The following GRID2 variants were observed in gnomAD, a reference collection of about 807,000 sequenced individuals.
GRID2 encodes the protein glutamate ionotropic receptor delta type subunit 2.
Under a neutral mutation model 114.8 loss-of-function variants are expected in GRID2, and 33 were observed. That is an observed-to-expected ratio of 0.29 (90% CI 0.22 to 0.38). The LOEUF (loss-of-function observed/expected upper bound fraction) is 0.38. Ranked by LOEUF, GRID2 falls within the 10% of genes least tolerant of loss-of-function variation. The pLI, the probability that GRID2 is intolerant of heterozygous loss-of-function variation, is 1.00. For synonymous variants in GRID2, 505 were observed against 449.9 expected, an observed-to-expected ratio of 1.12 and a Z score of -1.55; for missense variants, 1,184 against 1,257.7, an observed-to-expected ratio of 0.94 and a Z score of 0.89.
rs1734231112 is a variant in GRID2 at position 93,773,150 on chromosome 4, A to G, written c.*652A>G. ...CTTTATGTGATTGTACAGTATTAAA[A>G]GTTTTTTCTTATGTACAGTAAACTT... On this transcript the variant is annotated 3_prime_UTR_variant, in exon 16 of 16. Coordinates refer to ENST00000282020, the MANE Select transcript of GRID2 (RefSeq NM_001510.4). 6.6e-6 allele frequency: 1 copy of G among 152,188 alleles called. No homozygotes were observed. The highest frequency in any genetic ancestry group is 6.5e-5 in the Admixed American group (1 of 15,278). The allele number at this position is 152,188 out of a possible 1,614,324, so 9.4% of individuals were successfully genotyped here. A position where few individuals can be genotyped will look rare whatever the true frequency, so the allele number is the denominator to read the frequency against.
intron 1 of GRID2, among the ~76,000 whole-genome samples, chr4:92,560,441 C>A (rs537224500): frequency 1.3e-5 from 2 of 152,144 alleles, no homozygotes; most frequent in Admixed American, 1.3e-4. Context: ...ATATTTTATT[C>A]TTTTCCCCAG....
At chr4:92,686,538 T>C (rs1242498409) in intron 2 of GRID2, among the ~76,000 whole-genome samples, 1 of 152,070 alleles carries the variant, frequency 6.6e-6, no homozygotes, top group Admixed American at 6.5e-5. Context: ...TCTTGGATTC[T>C]GAGAATTTAA....
chr4:93,127,802 G>A (rs1452273999), intron 4 of GRID2, among the ~76,000 whole-genome samples: 1 of 151,860 alleles, frequency 6.6e-6, no homozygotes, highest in African/African-American at 2.4e-5. Context: ...TTTGAACTCA[G>A]CCTGGGCAAT....
rs70942974 is a variant in GRID2, at chr4:93,560,222, T to TAAAAAAAAAA, written c.2193+44833_2193+44842dup. Among the ~76,000 whole-genome samples the TAAAAAAAAAA allele has an allele frequency of 6.7e-3, 289 of 42,966 alleles. 15 individuals are homozygous for TAAAAAAAAAA. The highest frequency in any genetic ancestry group is 8.8e-3 in the East Asian group (6 of 678). 28.2% of individuals were successfully genotyped at this position (42,966 alleles called of 152,430 possible). On this transcript the variant is annotated intron_variant, in intron 13 of 15. Coordinates refer to ENST00000282020, the MANE Select transcript of GRID2 (RefSeq NM_001510.4). ...TACGCATGTATTCCAGAACTTAAAG[T>TAAAAAAAAAA]AAAAAAAAAAAAAAAAAAAAAAAAA...
At chr4:93,028,758 A>C (rs575163339) in intron 2 of GRID2, among the ~76,000 whole-genome samples, 108 of 152,010 alleles carry the variant, frequency 7.1e-4, no homozygotes, top group African/African-American at 2.5e-3. Context: ...CTTTCATTTT[A>C]CTCCAGGCCT....
chr4:92,343,746 G>A (rs1339779511), intron 1 of GRID2, among the ~76,000 whole-genome samples: 1 of 152,002 alleles, frequency 6.6e-6, no homozygotes, highest in Non-Finnish European at 1.5e-5. Flanking sequence ...GCTAAATTTT[G>A]TATTTTTAGT....
At chr4:92,865,984 T>C (rs1560651339) in intron 2 of GRID2, among the ~76,000 whole-genome samples, 1 of 152,160 alleles carries the variant, frequency 6.6e-6, no homozygotes, top group African/African-American at 2.4e-5. Flanking sequence ...TCACTAATAG[T>C]AAATTGATAA....
rs146968589 is a variant in GRID2, at chr4:92,592,771, A to G, written c.244+2485A>G. On this transcript the variant is annotated intron_variant, in intron 2 of 15. Coordinates refer to ENST00000282020, the MANE Select transcript of GRID2 (RefSeq NM_001510.4). ...TAAAGACAATTTGTTTCCCTATTCA[A>G]TATCAAGAAGGGTTTCAGTTAATGT... is the stretch of plus-strand genomic sequence containing the variant. 1.6e-4 allele frequency among the ~76,000 whole-genome samples: 25 copies of G among 152,212 alleles called. 1 individual carries two copies. In the East Asian group the frequency reaches 4.1e-3, roughly 25 times the overall value.
chr4:93,644,157 C>T (rs999553212), intron 14 of GRID2, among the ~76,000 whole-genome samples: 4 of 88,338 alleles, frequency 4.5e-5, no homozygotes, highest in Admixed American at 3.0e-4. Context: ...GGCAATGCCT[C>T]GCCCTGCTTC....
chr4:92,595,245 A>G (rs1384637860), intron 2 of GRID2, among the ~76,000 whole-genome samples: 1 of 151,960 alleles, frequency 6.6e-6, no homozygotes, highest in Non-Finnish European at 1.5e-5. Context: ...AACATTATAA[A>G]CAATATCATT....
intron 4 of GRID2, among the ~76,000 whole-genome samples, chr4:93,136,590 TTTA>T (rs1365116865): frequency 2.6e-5 from 4 of 152,166 alleles, no homozygotes; most frequent in East Asian, 1.9e-4. Flanking sequence ...ACCAGTCTTG[TTTA>T]TTATCTTACA....
At chr4:93,631,675 T>C (rs1370627926) in intron 14 of GRID2, among the ~76,000 whole-genome samples, 1 of 152,212 alleles carries the variant, frequency 6.6e-6, no homozygotes, top group Non-Finnish European at 1.5e-5. Context: ...ACAATAAATA[T>C]ACGTGTGCAT....
At chr4:93,683,072 TA>T (rs1451181508) in intron 14 of GRID2, among the ~76,000 whole-genome samples, 7 of 152,064 alleles carry the variant, frequency 4.6e-5, no homozygotes, top group Admixed American at 3.9e-4. Flanking sequence ...CTAACATTTT[TA>T]AGGTCATACA....
intron 1 of GRID2, among the ~76,000 whole-genome samples, chr4:92,363,231 A>G (rs1430955067): frequency 2.6e-5 from 4 of 151,970 alleles, no homozygotes; most frequent in Non-Finnish European, 5.9e-5. Context: ...AAGTCCCCCC[A>G]TGTGAATTGC....
At chr4:93,249,802 C>A (rs1748642367) in intron 8 of GRID2, among the ~76,000 whole-genome samples, 1 of 151,984 alleles carries the variant, frequency 6.6e-6, no homozygotes, top group Non-Finnish European at 1.5e-5. Context: ...GAGATACCAT[C>A]TCATGCCCGT....
rs549803377 is a variant in GRID2, at chr4:93,383,409, G to A, written c.1246-12198G>A. 4.6e-5 allele frequency among the ~76,000 whole-genome samples: 7 copies of A among 152,240 alleles called. 1 individual carries two copies. The South Asian group carries it at 1.5e-3, about 32-fold the overall frequency. On this transcript the variant is annotated intron_variant, in intron 8 of 15. Coordinates refer to ENST00000282020, the MANE Select transcript of GRID2 (RefSeq NM_001510.4). Reference sequence around the variant, plus strand: ...GGACTAAGGGTCAGGATAGGTAGCTGCTACTGTTTTAAGAGCTTAAATTGA... The same window carrying A: ...GGACTAAGGGTCAGGATAGGTAGCTACTACTGTTTTAAGAGCTTAAATTGA...
chr4:93,589,854 T>C (rs1737995673), intron 13 of GRID2, among the ~76,000 whole-genome samples: 1 of 151,938 alleles, frequency 6.6e-6, no homozygotes, highest in African/African-American at 2.4e-5. Context: ...ATGTCTTCTT[T>C]TGAGAAGTGT....
chr4:92,695,389 A>G (rs1240078587), intron 2 of GRID2, among the ~76,000 whole-genome samples: 1 of 152,118 alleles, frequency 6.6e-6, no homozygotes, highest in Non-Finnish European at 1.5e-5. Context: ...GAAACACAAC[A>G]AAAGGAATAC....
At chr4:93,797,871 G>T (rs1169447113) in intron 1 of GRID2, among the ~76,000 whole-genome samples, 1 of 149,196 alleles carries the variant, frequency 6.7e-6, no homozygotes, top group Non-Finnish European at 1.5e-5. Context: ...AGAGGAGCAA[G>T]GCCAGGTGTG....
Sources: gnomAD v4.1 joint callset for allele counts (sites outside exome capture counted in the v4.1 genomes callset) on GRCh38, gnomAD v4.1.1 for gene constraint, MANE v1.5 for transcripts, NCBI Gene and HGNC (gene_info 2026-07-23, HGNC 2026-07-21) for gene names.